KLRG2: variants seen among roughly 807,000 people sequenced by gnomAD.
KLRG2 encodes the protein killer cell lectin like receptor G2.
Under a neutral mutation model 35.4 loss-of-function variants are expected in KLRG2, and 39 were observed. The ratio of observed to expected loss-of-function variants is 1.10; its 90% confidence interval spans 0.85 to 1.44. The LOEUF (loss-of-function observed/expected upper bound fraction) is 1.44, where lower values mean the gene tolerates loss of function less well. Among genes scored for constraint, KLRG2 ranks in the 40% most tolerant of loss-of-function variants. KLRG2 has a pLI of 0.00. For missense variants in KLRG2, 632 were observed against 570.9 expected, an observed-to-expected ratio of 1.11 and a Z score of -1.09; for synonymous variants, 283 against 265.8, an observed-to-expected ratio of 1.06 and a Z score of -0.63.
At chr7:139,449,343 G>A (rs1199633708), downstream of KLRG2, among the ~76,000 whole-genome samples, 1 of 152,094 alleles carries the variant, frequency 6.6e-6, no homozygotes, top group African/African-American at 2.4e-5. Flanking sequence ...GGAGGTTGCA[G>A]TGAGCAGAGA....
chr7:139,482,832 G>A (rs1323003578), intron 1 of KLRG2, 54 bp downstream of exon 1: 3 of 1,351,724 alleles, frequency 2.2e-6, no homozygotes, highest in African/African-American at 3.1e-5. Flanking sequence ...TGGGGGTTTC[G>A]GCTACGTCCA....
intron 1 of KLRG2, among the ~76,000 whole-genome samples, chr7:139,482,322 G>A (rs1421841983): frequency 6.6e-6 from 1 of 152,188 alleles, no homozygotes. Context: ...CTTCTCAAAG[G>A]TGCTGCGCAT....
At chr7:139,466,661 T>C (rs976517358) in intron 3 of KLRG2, among the ~76,000 whole-genome samples, 5 of 151,948 alleles carry the variant, frequency 3.3e-5, no homozygotes, top group African/African-American at 1.2e-4. Context: ...CCGTTTCTAA[T>C]CCTTCTTTAA....
At chr7:139,474,067 G>A (rs1470771782) in intron 3 of KLRG2, among the ~76,000 whole-genome samples, 1 of 150,152 alleles carries the variant, frequency 6.7e-6, no homozygotes, top group Non-Finnish European at 1.5e-5. Flanking sequence ...ACCCAGGCTG[G>A]AGTGCAAGTG....
chr7:139,470,337 C>T (rs953275909), intron 3 of KLRG2, among the ~76,000 whole-genome samples: 1 of 152,160 alleles, frequency 6.6e-6, no homozygotes, highest in Non-Finnish European at 1.5e-5. Context: ...GGATTACAGG[C>T]ATGAGCCACT....
chr7:139,450,856 A>G (rs1447389042), downstream of KLRG2, among the ~76,000 whole-genome samples: 1 of 152,150 alleles, frequency 6.6e-6, no homozygotes, highest in African/African-American at 2.4e-5. Context: ...TGGCCCTGTA[A>G]CCAATAAAAT....
chr7:139,446,267 A>G, the KLRG2 span, among the ~76,000 whole-genome samples: 1 of 150,936 alleles, frequency 6.6e-6, no homozygotes, highest in Non-Finnish European at 1.5e-5. Context: ...AGCCAAAATC[A>G]GGGTGCCAGC....
At chr7:139,437,357 G>A in the KLRG2 span, among the ~76,000 whole-genome samples, 123 of 150,234 alleles carry the variant, frequency 8.2e-4, no homozygotes, top group African/African-American at 2.7e-3. Context: ...CCCAGGAGAC[G>A]GTGGTTGCAG....
the KLRG2 span, among the ~76,000 whole-genome samples, chr7:139,438,915 T>TCC: frequency 8.5e-6 from 1 of 118,048 alleles, no homozygotes; most frequent in Non-Finnish European, 1.8e-5. Context: ...CCTCAGATGA[T>TCC]CCCCTCCCCC....
At position 139,479,697 on chromosome 7, in the gene KLRG2, T is replaced by C. The variant is rs766454895; in HGVS notation, c.935A>G (p.Gln312Arg). 1 of 1,613,974 alleles carries C rather than the reference T, an allele frequency of 6.2e-7. No individual in the cohort carries two copies. The highest frequency in any genetic ancestry group is 8.5e-7 in the Non-Finnish European group (1 of 1,179,984). ...EHCYYFSAEAQAWEASQAFCS... is the reference protein window; with the variant it reads ...EHCYYFSAEARAWEASQAFCS... Reference sequence around the variant, plus strand: ...GAAAGCCTGGCTGGCTTCCCAGGCCTGCGCTTCTGCAGAGAAGTAGTAACA... The same window carrying C: ...GAAAGCCTGGCTGGCTTCCCAGGCCCGCGCTTCTGCAGAGAAGTAGTAACA... The change falls in exon 3 of 5, where the codon CAG becomes CGG. Residue 312 changes from glutamine to arginine, a missense_variant. Coordinates refer to ENST00000340940, the MANE Select transcript of KLRG2 (RefSeq NM_198508.4).
At chr7:139,463,814 T>C (rs113364413) in intron 3 of KLRG2, among the ~76,000 whole-genome samples, 4 of 152,282 alleles carry the variant, frequency 2.6e-5, no homozygotes, top group African/African-American at 9.6e-5. Context: ...ACAGATGCTT[T>C]GGGTAACTCT....
chr7:139,473,367 C>G (rs2116467366), intron 3 of KLRG2, among the ~76,000 whole-genome samples: 1 of 152,244 alleles, frequency 6.6e-6, no homozygotes, highest in Admixed American at 6.6e-5. Context: ...ACCACCCCCT[C>G]CTATCCGCGC....
intron 3 of KLRG2, among the ~76,000 whole-genome samples, chr7:139,465,628 C>T (rs1296453551): frequency 6.7e-6 from 1 of 149,612 alleles, no homozygotes; most frequent in African/African-American, 2.5e-5. Flanking sequence ...GGAGGCGGAG[C>T]TTGCGGTGAG....
the KLRG2 span, among the ~76,000 whole-genome samples, chr7:139,432,998 C>G: frequency 6.6e-6 from 1 of 152,106 alleles, no homozygotes. Flanking sequence ...TAATAGTCCC[C>G]GCTTCTCAAG....
chr7:139,460,074 G>T (rs1319779789), intron 3 of KLRG2, among the ~76,000 whole-genome samples: 1 of 152,050 alleles, frequency 6.6e-6, no homozygotes, highest in African/African-American at 2.4e-5. Flanking sequence ...TTAGTAGAGG[G>T]TGGGTTTCAC....
the KLRG2 span, among the ~76,000 whole-genome samples, chr7:139,441,744 G>A: frequency 1.7e-4 from 26 of 152,112 alleles, no homozygotes; most frequent in African/African-American, 6.3e-4. Context: ...TTGCACTGCA[G>A]CCCAGGCAAC....
downstream of KLRG2, among the ~76,000 whole-genome samples, chr7:139,451,259 G>A (rs1052558681): frequency 1.3e-5 from 2 of 152,204 alleles, no homozygotes; most frequent in African/African-American, 2.4e-5. Flanking sequence ...CAGCACTTTG[G>A]GAGGCCGAGG....
At chr7:139,432,276 C>T in the KLRG2 span, among the ~76,000 whole-genome samples, 2 of 151,968 alleles carry the variant, frequency 1.3e-5, no homozygotes, top group East Asian at 1.9e-4. Context: ...GGATCACTGG[C>T]GCCCAGGATG....
intron 3 of KLRG2, 144 bp downstream of exon 3, chr7:139,479,483 C>G: frequency 1.2e-6 from 1 of 825,490 alleles, no homozygotes; most frequent in Non-Finnish European, 1.9e-6. Context: ...AGAGGCTGCA[C>G]GAAGTTATGG....
Sources: allele counts gnomAD v4.1 joint callset (sites outside exome capture counted in the v4.1 genomes callset), GRCh38; gene constraint gnomAD v4.1.1; transcripts MANE v1.5; gene names NCBI Gene and HGNC (gene_info 2026-07-23, HGNC 2026-07-21).